CUBN: variants seen among roughly 807,000 people sequenced by gnomAD.
The protein encoded by CUBN is 460 kDa receptor.
Under a neutral mutation model 405.3 loss-of-function variants are expected in CUBN, and 282 were observed. The ratio of observed to expected loss-of-function variants is 0.70; its 90% CI spans 0.63 to 0.77. The LOEUF is 0.77. CUBN is among the 30% of genes least tolerant of loss of function. CUBN has a pLI of 0.00. For synonymous variants in CUBN, 1,684 were observed against 1,617.0 expected (o/e 1.04, Z -0.99); for missense variants, 4,514 against 4,475.2 (o/e 1.01, Z -0.25).
chr10:16,882,568 A>G (rs1176788357), intron 56 of CUBN, among the ~76,000 whole-genome samples: 9 of 152,206 alleles, frequency 5.9e-5, no homozygotes. Context: ...AATAGAATAA[A>G]CTTGTGGGAT....
chr10:16,914,494 G>C (rs886560851), intron 47 of CUBN, among the ~76,000 whole-genome samples: 4 of 152,058 alleles, frequency 2.6e-5, no homozygotes, highest in African/African-American at 9.7e-5. Context: ...GGGAGGCAGA[G>C]GTTGCAGTGA....
chr10:16,967,991 AAGAG>A (rs3047254), intron 31 of CUBN, among the ~76,000 whole-genome samples: 1 of 145,152 alleles, frequency 6.9e-6, no homozygotes, highest in African/African-American at 2.6e-5. Context: ...GAGAGAGGAA[AAGAG>A]AGAGAGAGGA....
chr10:16,974,663 G>T (rs182627144), intron 31 of CUBN, among the ~76,000 whole-genome samples: 4 of 152,038 alleles, frequency 2.6e-5, no homozygotes, highest in African/African-American at 9.7e-5. Context: ...GAGCCACCGC[G>T]CCCGGCCTAC....
intron 28 of CUBN, among the ~76,000 whole-genome samples, chr10:17,010,935 C>T (rs1007269809): frequency 7.9e-5 from 12 of 152,254 alleles, no homozygotes; most frequent in African/African-American, 2.6e-4. Context: ...AATGAGTGCA[C>T]CAGAATGTGA....
At chr10:17,038,123 C>A (rs1270035376) in intron 27 of CUBN, among the ~76,000 whole-genome samples, 1 of 151,996 alleles carries the variant, frequency 6.6e-6, no homozygotes, top group Non-Finnish European at 1.5e-5. Flanking sequence ...TCTTAGTGTT[C>A]CTACTTCCTC....
At chr10:17,013,981 T>C (rs1588581319) in intron 28 of CUBN, among the ~76,000 whole-genome samples, 1 of 152,196 alleles carries the variant, frequency 6.6e-6, no homozygotes, top group Non-Finnish European at 1.5e-5. Flanking sequence ...CCCCATCCTC[T>C]GGGAGAAAAG....
intron 43 of CUBN, among the ~76,000 whole-genome samples, chr10:16,923,108 G>A (rs1842084803): frequency 6.6e-6 from 1 of 151,892 alleles, no homozygotes; most frequent in South Asian, 2.1e-4. Context: ...AAAGTGCTGG[G>A]ATTACAGGCG....
At chr10:17,009,784 G>A (rs1174953632) in intron 28 of CUBN, among the ~76,000 whole-genome samples, 1 of 152,142 alleles carries the variant, frequency 6.6e-6, no homozygotes, top group Non-Finnish European at 1.5e-5. Flanking sequence ...CACTCTCCAG[G>A]GCCCTGAGCC....
chr10:16,872,849 C>A (rs1347239825), intron 58 of CUBN, among the ~76,000 whole-genome samples: 1 of 152,196 alleles, frequency 6.6e-6, no homozygotes, highest in Non-Finnish European at 1.5e-5. Context: ...CTGACAGTTT[C>A]TGTTCTTTTG....
At chr10:17,003,516 T>C (rs1833943506) in intron 28 of CUBN, among the ~76,000 whole-genome samples, 1 of 152,180 alleles carries the variant, frequency 6.6e-6, no homozygotes. Context: ...AAATTGAACA[T>C]TTTTTGTTCA....
Position 16,888,627 on chromosome 10 carries a change from T to G in CUBN, c.8756-61A>C, listed in dbSNP as rs554184647. 1.9e-4 allele frequency: 285 copies of G among 1,501,592 alleles called. No individual in the cohort carries two copies. In the South Asian group the frequency reaches 3.0e-3, roughly 16 times the overall value. The allele number at this position is 1,501,592 out of a possible 1,614,324, so 93.0% of individuals were successfully genotyped here. ...ATTTCTCGTGTATCTATTTTGTCCA[T>G]GAAGGAAAGAGGCATTTTCCTAAAT... On this transcript the variant is annotated intron_variant, in intron 55 of 66. Transcript: ENST00000377833.
intron 4 of CUBN, among the ~76,000 whole-genome samples, chr10:17,126,062 A>G (rs1837175691): frequency 6.6e-6 from 1 of 152,152 alleles, no homozygotes; most frequent in Non-Finnish European, 1.5e-5. Flanking sequence ...GTAGAGGAAA[A>G]TGCTTGAAGC....
intron 28 of CUBN, among the ~76,000 whole-genome samples, chr10:16,998,358 A>G (rs532861917): frequency 1.3e-5 from 2 of 152,318 alleles, no homozygotes; most frequent in South Asian, 2.1e-4. Context: ...TCATGTGTGG[A>G]TAGAGGCAGA....
intron 11 of CUBN, 147 bp downstream of exon 11, chr10:17,105,306 TTATC>T: frequency 2.8e-6 from 2 of 704,302 alleles, no homozygotes; most frequent in South Asian, 3.0e-5. Flanking sequence ...ACTAAAATCA[TTATC>T]TATCTTTCAT....
chr10:16,957,462 G>C (rs1843098908), intron 31 of CUBN, among the ~76,000 whole-genome samples: 1 of 151,998 alleles, frequency 6.6e-6, no homozygotes, highest in Admixed American at 6.6e-5. Context: ...TTGTCTTCAA[G>C]AGAAGACATA....
In CUBN at chr10:16,851,456, A is replaced by G. The variant is rs374390875; in HGVS notation, c.9455-13T>C. 50 of 1,613,080 alleles carry G rather than the reference A, an allele frequency of 3.1e-5. No individual in the cohort carries two copies. In the African/African-American group the frequency reaches 6.0e-4, roughly 19 times the overall value. On this transcript the variant is annotated splice_polypyrimidine_tract_variant and intron_variant, in intron 59 of 66. Transcript: ENST00000377833. The stretch of plus-strand genomic sequence containing the variant: ...CCTTGCTGAGGCCCTGCATTAAAAC[A>G]AAGACATCACTATGCAGACCAAACA...
At chr10:16,832,232 T>C (rs1366161745) in intron 64 of CUBN, among the ~76,000 whole-genome samples, 1 of 152,150 alleles carries the variant, frequency 6.6e-6, no homozygotes, top group Non-Finnish European at 1.5e-5. Flanking sequence ...ACGCGGGCAA[T>C]GTATGTTGGA....
At chr10:16,926,832 TATC>T (rs1842204319) in intron 41 of CUBN, among the ~76,000 whole-genome samples, 1 of 151,864 alleles carries the variant, frequency 6.6e-6, no homozygotes, top group African/African-American at 2.4e-5. Flanking sequence ...TCTATCTATC[TATC>T]TATCTATCTA....
At chr10:16,829,150 AT>A (rs1838889144) in intron 65 of CUBN, 110 bp from the exon 66 acceptor site, 1 of 786,938 alleles carries the variant, frequency 1.3e-6, no homozygotes, top group African/African-American at 1.7e-5. Context: ...CTCTGCAAGA[AT>A]AATGGAGGCA....
Sources: allele counts gnomAD v4.1 joint callset (sites outside exome capture counted in the v4.1 genomes callset), GRCh38; gene constraint gnomAD v4.1.1; transcripts MANE v1.5; gene names NCBI Gene and HGNC (gene_info 2026-07-23, HGNC 2026-07-21).